Variants in ACTL6B observed in about 807,000 individuals in gnomAD.
The protein encoded by ACTL6B is actin-like protein 6B.
A neutral mutation model predicts 63.3 loss-of-function variants in ACTL6B; 48 were observed. The observed-to-expected ratio is 0.76, with a 90% CI of 0.60 to 0.96. The LOEUF is 0.96. ACTL6B is among the 50% of genes least tolerant of loss of function. The pLI, the probability that ACTL6B is intolerant of heterozygous loss-of-function variation, is 0.00. For missense variants in ACTL6B, 350 were observed against 572.2 expected, an observed-to-expected ratio of 0.61 and a Z score of 3.96; for synonymous variants, 230 against 223.8, an observed-to-expected ratio of 1.03 and a Z score of -0.25.
rs371070273 is a variant in ACTL6B, at chr7:100,650,021, C to G, written c.467+17G>C. On this transcript the variant is annotated intron_variant, in intron 5 of 13. Coordinates refer to ENST00000160382, the MANE Select transcript of ACTL6B (RefSeq NM_016188.5). ...CCAGCCCTCCACCCAGTCAGAGCAG[C>G]TCAGTCCAGAGGATACGCGGTGAGC... The G allele has an allele frequency of 3.1e-6, 5 of 1,612,212 alleles. No homozygotes were observed. In the African/African-American group the frequency reaches 6.7e-5, roughly 21 times the overall value.
Position 100,646,342 on chromosome 7 carries a change from G to A in ACTL6B, c.1114-7C>T. On this transcript the variant is annotated splice_region_variant and splice_polypyrimidine_tract_variant and intron_variant, in intron 12 of 13. Coordinates refer to ENST00000160382, the MANE Select transcript of ACTL6B (RefSeq NM_016188.5). The surrounding 1 kb of genome is among the most constrained non-coding windows in gnomAD (Gnocchi z 6.1). ...TGAGTTTCAGTCGCATGCTCTGGGG[G>A]TAAAAAGGGGCTGGGGGAAGCAGAC... is the stretch of plus-strand genomic sequence containing the variant. 4 of 1,613,366 alleles carry A rather than the reference G, an allele frequency of 2.5e-6. No homozygotes were observed. The South Asian group carries it at 4.4e-5, about 18-fold the overall frequency.
chr7:100,644,044 C>T (rs750606128), intron 13 of ACTL6B, among the ~76,000 whole-genome samples: 10 of 152,026 alleles, frequency 6.6e-5, no homozygotes, highest in African/African-American at 1.7e-4. Context: ...GGATTACAGG[C>T]GCGTGCCAAC....
intron 13 of ACTL6B, among the ~76,000 whole-genome samples, chr7:100,644,097 G>A (rs1244701079): frequency 6.6e-6 from 1 of 151,876 alleles, no homozygotes; most frequent in Non-Finnish European, 1.5e-5. Flanking sequence ...ACAGGGTTTC[G>A]CCATGTTGGC....
chr7:100,656,114 G>T (rs1804035531), intron 1 of ACTL6B, among the ~76,000 whole-genome samples: 2 of 152,256 alleles, frequency 1.3e-5, no homozygotes, highest in Admixed American at 1.3e-4. Context: ...GGGAAAGGAA[G>T]GGGCCCGGGG....
rs1209628819 is a variant in ACTL6B, at chr7:100,647,960, CT to C, written c.670-428del. ...ATATCATGCTGTTGGTCACACAGCT[CT>C]TTTTTTTTTTTTTTTTCAGATGGAG... On this transcript the variant is annotated intron_variant, in intron 7 of 13. Coordinates refer to ENST00000160382, the MANE Select transcript of ACTL6B (RefSeq NM_016188.5). The surrounding 1 kb of genome is among the most constrained non-coding windows in gnomAD (Gnocchi z 4.4). Among the ~76,000 whole-genome samples the C allele has an allele frequency of 0.011, 1,431 of 134,074 alleles. 19 individuals are homozygous for C. The highest frequency in any genetic ancestry group is 0.032 in the East Asian group (149 of 4,618). 88.0% of individuals were successfully genotyped at this position (134,074 alleles called of 152,430 possible).
At chr7:100,652,165 G>A (rs1179864325) in intron 4 of ACTL6B, among the ~76,000 whole-genome samples, 3 of 151,866 alleles carry the variant, frequency 2.0e-5, no homozygotes, top group Non-Finnish European at 4.4e-5. Context: ...TTGGGAGGCC[G>A]AGGCCGGCGG....
Position 100,646,905 on chromosome 7 carries a change from C to G in ACTL6B, c.936+66G>C. ...AGACCCCTGCAATCCTTCCCAGCCTCCCCCACGCCCCAGGATCCAGGGACT... is the reference window on the plus strand; with the variant it reads ...AGACCCCTGCAATCCTTCCCAGCCTGCCCCACGCCCCAGGATCCAGGGACT... On this transcript the variant is annotated intron_variant, in intron 10 of 13. Coordinates refer to ENST00000160382, the MANE Select transcript of ACTL6B (RefSeq NM_016188.5). The surrounding 1 kb of genome is among the most constrained non-coding windows in gnomAD (Gnocchi z 6.1). The G allele has an allele frequency of 6.3e-7, 1 of 1,593,954 alleles. No homozygotes were observed.
chr7:100,646,914 C>A lies in ACTL6B; in HGVS notation c.936+57G>T. The A allele has an allele frequency of 6.2e-7, 1 of 1,604,864 alleles. No homozygotes were observed. Among genetic ancestry groups the A allele is most frequent in the South Asian group, 1.1e-5 (1 of 90,768 alleles). ...CAATCCTTCCCAGCCTCCCCCACGC[C>A]CCAGGATCCAGGGACTGCAGCCAGC... is the stretch of plus-strand genomic sequence containing the variant. On this transcript the variant is annotated intron_variant, in intron 10 of 13. Coordinates refer to ENST00000160382, the MANE Select transcript of ACTL6B (RefSeq NM_016188.5). This position sits in a 1 kb window ranked among gnomAD's most constrained non-coding sequence, Gnocchi z 6.1.
chr7:100,654,117 T>C (rs1465222746), intron 4 of ACTL6B, among the ~76,000 whole-genome samples: 4 of 151,590 alleles, frequency 2.6e-5, no homozygotes, highest in Non-Finnish European at 5.9e-5. Flanking sequence ...GGACTACAGG[T>C]GCCCGCCACC....
intron 4 of ACTL6B, among the ~76,000 whole-genome samples, chr7:100,652,942 A>C (rs1432720824): frequency 1.5e-5 from 2 of 129,698 alleles, no homozygotes; most frequent in Non-Finnish European, 3.1e-5. Context: ...CGGAGCTTGC[A>C]GTGAGCTGAG....
At chr7:100,649,870 C>CCT (rs1803901621) in intron 5 of ACTL6B, 168 bp downstream of exon 5, 1 of 602,880 alleles carries the variant, frequency 1.7e-6, no homozygotes, top group Non-Finnish European at 2.9e-6. Flanking sequence ...GTCGGAGGTG[C>CCT]TCAGTCCACT....
Position 100,647,287 on chromosome 7 carries a change from G to A in ACTL6B, c.760-3C>T. 21 of 1,613,226 alleles carry A rather than the reference G, an allele frequency of 1.3e-5. No individual in the cohort carries two copies. The highest frequency in any genetic ancestry group is 1.7e-5 in the Non-Finnish European group (20 of 1,179,892). On this transcript the variant is annotated splice_region_variant and splice_polypyrimidine_tract_variant and intron_variant, in intron 8 of 13. Coordinates refer to ENST00000160382, the MANE Select transcript of ACTL6B (RefSeq NM_016188.5). This position sits in a 1 kb window ranked among gnomAD's most constrained non-coding sequence, Gnocchi z 4.4. Reference sequence around the variant, plus strand: ...GCCTGGAAGTCCTGGATCACCTCCTGAAATCCCAGCGGAGGTGGTGAGGGC... The same window carrying A: ...GCCTGGAAGTCCTGGATCACCTCCTAAAATCCCAGCGGAGGTGGTGAGGGC...
intron 5 of ACTL6B, among the ~76,000 whole-genome samples, chr7:100,649,590 G>C (rs576405685): frequency 2.5e-4 from 38 of 152,290 alleles, no homozygotes; most frequent in African/African-American, 8.7e-4. Flanking sequence ...GAGCCACCGC[G>C]CCTGGCCAGC....
At position 100,647,428 on chromosome 7, in the gene ACTL6B, C is replaced by T; in HGVS notation, c.759+16G>A. On this transcript the variant is annotated intron_variant, in intron 8 of 13. Transcript: ENST00000160382. The surrounding 1 kb of genome is among the most constrained non-coding windows in gnomAD (Gnocchi z 4.4). ...CAGGGGAGGGGGGTTTCAGGTGGCC[C>T]TCTCCAGAGGCTCACATTACACATG... 1 of 1,611,944 alleles carries T rather than the reference C, an allele frequency of 6.2e-7. No individual in the cohort carries two copies.
chr7:100,649,214 G>C (rs1054327898), intron 5 of ACTL6B, among the ~76,000 whole-genome samples: 1 of 151,216 alleles, frequency 6.6e-6, no homozygotes, highest in South Asian at 2.1e-4. Flanking sequence ...GGATGGTCTC[G>C]ATCTCCTGAC....
At chr7:100,654,957 G>A in intron 4 of ACTL6B, 62 bp downstream of exon 4, 1 of 1,394,702 alleles carries the variant, frequency 7.2e-7, no homozygotes, top group Non-Finnish European at 1.0e-6. Flanking sequence ...AGGAGAGGTG[G>A]ATGGTGGGAA....
intron 13 of ACTL6B, among the ~76,000 whole-genome samples, chr7:100,644,149 C>T (rs1803776618): frequency 6.6e-6 from 1 of 152,200 alleles, no homozygotes; most frequent in Admixed American, 6.6e-5. Context: ...ATCCGCCCGC[C>T]TCGGCCTCCC....
rs1165013658 is a variant in ACTL6B at position 100,646,944 on chromosome 7, AC to A, written c.936+26del. 6.3e-7 allele frequency: 1 copy of A among 1,593,872 alleles called. No individual in the cohort carries two copies. Among genetic ancestry groups the A allele is most frequent in the Non-Finnish European group, 8.5e-7 (1 of 1,171,886 alleles). On this transcript the variant is annotated intron_variant, in intron 10 of 13. Coordinates refer to ENST00000160382, the MANE Select transcript of ACTL6B (RefSeq NM_016188.5). This position sits in a 1 kb window ranked among gnomAD's most constrained non-coding sequence, Gnocchi z 6.1. ...GATCCAGGGACTGCAGCCAGCACCC[AC>A]CCCAGTCCTCGCCACACAGCCAAAC...
rs1219154832 is a variant in ACTL6B at position 100,647,218 on chromosome 7, C to G, written c.821+5G>C. 2.5e-6 allele frequency: 4 copies of G among 1,613,336 alleles called. No individual in the cohort carries two copies. The highest frequency in any genetic ancestry group is 3.4e-6 in the Non-Finnish European group (4 of 1,179,916). On this transcript the variant is annotated splice_donor_5th_base_variant and intron_variant, in intron 9 of 13. Coordinates refer to ENST00000160382, the MANE Select transcript of ACTL6B (RefSeq NM_016188.5). This position sits in a 1 kb window ranked among gnomAD's most constrained non-coding sequence, Gnocchi z 4.4. ...TCCCACCCCAAAGCCCTGAGCCACA[C>G]TCACTGTTCATCGTAGGGGGAGTCT...
Sources: gnomAD v4.1 joint callset for allele counts (sites outside exome capture counted in the v4.1 genomes callset) on GRCh38, gnomAD v4.1.1 for gene constraint, Gnocchi (gnomAD v3.1) non-coding constraint, MANE v1.5 for transcripts, NCBI Gene and HGNC (gene_info 2026-07-23, HGNC 2026-07-21) for gene names.